CA5A: variants seen among roughly 807,000 people sequenced by gnomAD.
The protein encoded by CA5A is carbonic anhydrase 5A, mitochondrial.
Under a neutral mutation model 37.1 loss-of-function variants are expected in CA5A, and 28 were observed. The ratio of observed to expected loss-of-function variants is 0.75; its 90% CI spans 0.56 to 1.03. The LOEUF (loss-of-function observed/expected upper bound fraction) is 1.03. CA5A is among the 50% of genes least tolerant of loss of function. CA5A has a pLI of 0.00. For missense variants in CA5A, 444 were observed against 399.9 expected (o/e 1.11, Z -0.94); for synonymous variants, 171 against 158.4 (o/e 1.08, Z -0.60).
At chr16:87,896,732 C>G (rs963728762) in intron 5 of CA5A, among the ~76,000 whole-genome samples, 4 of 152,346 alleles carry the variant, frequency 2.6e-5, no homozygotes, top group South Asian at 2.1e-4. Flanking sequence ...CCTCCACCGC[C>G]CAGGTTCAAG....
chr16:87,924,881 G>C (rs947706624), intron 2 of CA5A, among the ~76,000 whole-genome samples: 1 of 152,234 alleles, frequency 6.6e-6, no homozygotes, highest in Non-Finnish European at 1.5e-5. Context: ...ATGTGGTGCT[G>C]AGTGCCGGCC....
At chr16:87,918,033 CT>C (rs1415931004) in intron 2 of CA5A, among the ~76,000 whole-genome samples, 1 of 152,244 alleles carries the variant, frequency 6.6e-6, no homozygotes, top group East Asian at 1.9e-4. Context: ...CACTCTTCCC[CT>C]GTCTCTCATC....
At chr16:87,900,511 G>A (rs1362225084) in intron 5 of CA5A, among the ~76,000 whole-genome samples, 2 of 152,230 alleles carry the variant, frequency 1.3e-5, no homozygotes, top group East Asian at 1.9e-4. Flanking sequence ...TCATCCGTCC[G>A]CACATGTGAG....
intron 2 of CA5A, among the ~76,000 whole-genome samples, chr16:87,907,821 G>T (rs900041210): frequency 6.6e-6 from 1 of 152,210 alleles, no homozygotes; most frequent in African/African-American, 2.4e-5. Flanking sequence ...AGCTACTTGG[G>T]AGGCTGAGGC....
intron 1 of CA5A, among the ~76,000 whole-genome samples, chr16:87,932,195 C>A (rs77298426): frequency 5.9e-5 from 9 of 152,132 alleles, no homozygotes; most frequent in South Asian, 2.1e-4. Flanking sequence ...CTCTACCCCC[C>A]CTCCCACGGC....
chr16:87,888,264 T>C lies in CA5A; in HGVS notation c.783A>G (p.Ala261=), dbSNP rs2055666421. 1 of 1,612,986 alleles carries C rather than the reference T, an allele frequency of 6.2e-7. No homozygotes were observed. Among genetic ancestry groups the C allele is most frequent in the Non-Finnish European group, 8.5e-7 (1 of 1,179,260 alleles). The change falls in exon 7 of 7, where the codon GCA becomes GCG. Residue 261 remains alanine (A), a synonymous_variant. Transcript: ENST00000649794. ...GTGCAGAAAACAGGAGAGTACGAAA[T>C]GCAGAGAGCTGGAATAGAGGGCAGC... The part of the protein sequence containing the change: ...PVEVAPSQLS[A]FRTLLFSALG...
Position 87,926,679 on chromosome 16 carries a change from C to T in CA5A, c.340+69G>A, listed in dbSNP as rs566158836. ...TTCCTGCTCTCCTCCCCCTTCTCCG[C>T]GAAGCTCTTGACCCTGCTGCCAGAA... is the stretch of plus-strand genomic sequence containing the variant. On this transcript the variant is annotated intron_variant, in intron 2 of 6. Coordinates refer to ENST00000649794, the MANE Select transcript of CA5A (RefSeq NM_001739.2). The T allele has an allele frequency of 2.9e-3, 3,622 of 1,268,144 alleles. 8 individuals carry two copies. The highest frequency in any genetic ancestry group is 3.6e-3 in the Non-Finnish European group (3,184 of 885,650). 78.6% of individuals were successfully genotyped at this position (1,268,144 alleles called of 1,614,324 possible). A position where few individuals can be genotyped will look rare whatever the true frequency, so the allele number is the denominator to read the frequency against.
At chr16:87,893,159 G>A (rs1053422481) in intron 5 of CA5A, 15 of 418,812 alleles carry the variant, frequency 3.6e-5, no homozygotes, top group East Asian at 2.4e-4. Flanking sequence ...TTTTTTTTCA[G>A]ACAGAGTCTC....
At chr16:87,896,271 G>A (rs1428317293) in intron 5 of CA5A, among the ~76,000 whole-genome samples, 1 of 152,150 alleles carries the variant, frequency 6.6e-6, no homozygotes, top group Non-Finnish European at 1.5e-5. Context: ...GGAGTGGCAG[G>A]CTCCAGCCAT....
At position 87,936,384 on chromosome 16, in the gene CA5A, G is replaced by C; in HGVS notation, c.67C>G (p.Leu23Val). 6.2e-7 allele frequency: 1 copy of C among 1,614,040 alleles called. No individual in the cohort carries two copies. Reference sequence around the variant, plus strand: ...CCTGGCCTCATCGAACGACTCCAGAGAGGGGCCCACATCTGCTCAACCAAG... The same window carrying C: ...CCTGGCCTCATCGAACGACTCCAGACAGGGGCCCACATCTGCTCAACCAAG... Reference protein sequence around the residue: ...SFLVEQMWAPLWSRSMRPGRW... With the variant: ...SFLVEQMWAPVWSRSMRPGRW... Residue 23 changes from leucine (L) to valine (V), a missense_variant, in exon 1 of 7, where the codon CTC becomes GTC. Physicochemically the swap from Leu to Val is conservative, Grantham distance 32. Coordinates refer to ENST00000649794, the MANE Select transcript of CA5A (RefSeq NM_001739.2).
At chr16:87,889,752 G>C (rs7203884) in intron 6 of CA5A, among the ~76,000 whole-genome samples, 52,596 of 151,642 alleles carry the variant, frequency 0.35, 10,222 homozygotes, top group African/African-American at 0.54. Flanking sequence ...GCCCGGGCAA[G>C]AAGAGGGAAA....
At chr16:87,914,998 G>T (rs2056114107) in intron 2 of CA5A, among the ~76,000 whole-genome samples, 1 of 152,248 alleles carries the variant, frequency 6.6e-6, no homozygotes, top group Non-Finnish European at 1.5e-5. Flanking sequence ...AGGGGTGTGA[G>T]CGATGGGGCC....
intron 5 of CA5A, chr16:87,893,230 C>T (rs117109109): frequency 0.054 from 22,040 of 408,220 alleles, 753 homozygotes; most frequent in Middle Eastern, 0.11. Flanking sequence ...TGGGTTCCAG[C>T]GATCCTCCTG....
chr16:87,883,272 C>T (rs895375417), downstream of CA5A: 2 of 152,000 alleles, frequency 1.3e-5, no homozygotes, highest in African/African-American at 4.8e-5. Context: ...ATCTGCCCAC[C>T]TCAGCCTTCC....
At chr16:87,908,908 C>T (rs567927011) in intron 2 of CA5A, among the ~76,000 whole-genome samples, 5 of 152,166 alleles carry the variant, frequency 3.3e-5, no homozygotes, top group East Asian at 3.9e-4. Context: ...CTCCACCTCC[C>T]GGGTTCAAGA....
At position 87,936,434 on chromosome 16, in the gene CA5A, G is replaced by C; in HGVS notation, c.17C>G (p.Thr6Ser). Residue 6 changes from threonine (T) to serine (S), a missense_variant, in exon 1 of 7, where the codon ACT (threonine) becomes AGT (serine). Transcript: ENST00000649794. MLGRN[T>S]WKTSAFSFLV... is the part of the protein sequence containing the mutation. The stretch of plus-strand genomic sequence containing the variant: ...GAAGGAGAAAGCTGAGGTCTTCCAA[G>C]TGTTCCTCCCCAACATCTTGGGTCT... 6.2e-7 allele frequency: 1 copy of C among 1,613,992 alleles called. No individual in the cohort carries two copies. Among genetic ancestry groups the C allele is most frequent in the East Asian group, 2.2e-5 (1 of 44,872 alleles).
intron 2 of CA5A, among the ~76,000 whole-genome samples, chr16:87,915,689 CAAAAAA>C (rs10593708): frequency 1.2e-5 from 1 of 83,618 alleles, no homozygotes; most frequent in Non-Finnish European, 2.3e-5. Context: ...ATCCTGTCTC[CAAAAAA>C]AAAAAAAAAA....
At chr16:87,892,786 G>A (rs905217569) in intron 5 of CA5A, among the ~76,000 whole-genome samples, 1 of 149,158 alleles carries the variant, frequency 6.7e-6, no homozygotes, top group Non-Finnish European at 1.5e-5. Context: ...CGATTCTCCT[G>A]CCTCAGCCTC....
At chr16:87,902,073 G>C in intron 4 of CA5A, 99 bp from the exon 5 acceptor site, 1 of 1,087,332 alleles carries the variant, frequency 9.2e-7, no homozygotes, top group South Asian at 1.3e-5. Context: ...GCAATCCTAG[G>C]CCAGGTGCGG....
Sources: gnomAD v4.1 joint callset for allele counts (sites outside exome capture counted in the v4.1 genomes callset) on GRCh38, gnomAD v4.1.1 for gene constraint, MANE v1.5 for transcripts, NCBI Gene and HGNC (gene_info 2026-07-23, HGNC 2026-07-21) for gene names.